Variants in TAF8 observed in about 807,000 individuals in gnomAD.
TAF8 encodes the protein TATA-box binding protein associated factor 8.
A neutral mutation model predicts 36.5 loss-of-function variants in TAF8; 47 were observed. The observed-to-expected ratio is 1.29, with a 90% CI of 1.02 to 1.64. TAF8 has a LOEUF of 1.64. TAF8 is among the 40% of genes most tolerant of loss of function. The probability of loss-of-function intolerance (pLI) is 0.00; values close to 1 mark genes in which losing one functional copy is unlikely to be tolerated. For missense variants in TAF8, 420 were observed against 407.6 expected, an observed-to-expected ratio of 1.03 and a Z score of -0.26; for synonymous variants, 175 against 159.5, an observed-to-expected ratio of 1.10 and a Z score of -0.73.
chr6:42,060,939 A>G (rs768284762), intron 5 of TAF8, among the ~76,000 whole-genome samples: 8 of 152,246 alleles, frequency 5.3e-5, no homozygotes, highest in Non-Finnish European at 8.8e-5. Flanking sequence ...ACATGATAAA[A>G]GTTGCAAATA....
chr6:42,053,144 A>G (rs1432727316), intron 2 of TAF8, among the ~76,000 whole-genome samples: 1 of 152,086 alleles, frequency 6.6e-6, no homozygotes, highest in East Asian at 1.9e-4. Context: ...TCTGGACCCA[A>G]GCCTCCCACA....
intron 5 of TAF8, chr6:42,063,713 C>CA (rs1765261424): frequency 6.6e-6 from 1 of 152,078 alleles, no homozygotes; most frequent in African/African-American, 2.4e-5. Flanking sequence ...GTAGTCTTTG[C>CA]ACCTTGGCCT....
At chr6:42,061,143 A>C (rs770924554) in intron 5 of TAF8, among the ~76,000 whole-genome samples, 1 of 152,228 alleles carries the variant, frequency 6.6e-6, no homozygotes, top group Non-Finnish European at 1.5e-5. Context: ...GACCAAAGCA[A>C]GATAAAATGT....
In TAF8 at chr6:42,068,459, C is replaced by T. The variant is rs369482182; in HGVS notation, c.638-6C>T. The T allele has an allele frequency of 2.6e-5, 42 of 1,613,732 alleles. No individual in the cohort carries two copies. The highest frequency in any genetic ancestry group is 4.0e-5 in the African/African-American group (3 of 74,920). ...GTGGACTCATGCCTCTCTTCCAATT[C>T]GCCAGTGATTGCTGCCAGACCTTTC... is the stretch of plus-strand genomic sequence containing the variant. On this transcript the variant is annotated splice_region_variant and splice_polypyrimidine_tract_variant and intron_variant, in intron 6 of 8. Coordinates refer to ENST00000372977, the MANE Select transcript of TAF8 (RefSeq NM_138572.3).
chr6:42,060,801 T>C (rs1765164557), intron 5 of TAF8, among the ~76,000 whole-genome samples: 1 of 152,242 alleles, frequency 6.6e-6, no homozygotes, highest in Non-Finnish European at 1.5e-5. Flanking sequence ...CAGATTCTTA[T>C]TGCACTTATG....
At chr6:42,057,223 A>G (rs1455359593) in intron 4 of TAF8, among the ~76,000 whole-genome samples, 166 bp from the exon 5 acceptor site, 7 of 152,256 alleles carry the variant, frequency 4.6e-5, no homozygotes, top group African/African-American at 1.4e-4. Flanking sequence ...AGGGCTGGGC[A>G]TTGTAAGCCA....
intron 5 of TAF8, among the ~76,000 whole-genome samples, chr6:42,060,786 G>A (rs1765164213): frequency 3.3e-5 from 5 of 152,078 alleles, no homozygotes; most frequent in Admixed American, 3.3e-4. Flanking sequence ...TGTTACAAAA[G>A]AAAACAGATT....
At chr6:42,066,136 G>A (rs1292348103) in intron 5 of TAF8, among the ~76,000 whole-genome samples, 176 bp from the exon 6 acceptor site, 1 of 152,148 alleles carries the variant, frequency 6.6e-6, no homozygotes, top group Non-Finnish European at 1.5e-5. Flanking sequence ...CCTGATCTCA[G>A]GTGATCCACC....
intron 6 of TAF8, 81 bp downstream of exon 6, chr6:42,066,540 G>T: frequency 6.6e-7 from 1 of 1,526,302 alleles, no homozygotes; most frequent in Non-Finnish European, 9.0e-7. Context: ...ATGGTAGGAA[G>T]AAACAAATAA....
intron 7 of TAF8, among the ~76,000 whole-genome samples, chr6:42,071,646 A>T (rs1176980777): frequency 4.0e-5 from 6 of 149,844 alleles, no homozygotes; most frequent in African/African-American, 9.8e-5. Flanking sequence ...TTTTTTTTTT[A>T]AATATTGAAT....
chr6:42,051,397 A>C lies in TAF8; in HGVS notation c.86A>C (p.Tyr29Ser). Reference protein sequence around the residue: ...SKQSTNPADNYHLARRRTLQV... With the variant: ...SKQSTNPADNSHLARRRTLQV... ...CAGTCCACTAACCCTGCCGATAACT[A>C]TCATCTGGCCCGGAGGAGAACCCTG... is the stretch of plus-strand genomic sequence containing the variant. The change falls in exon 2 of 9, where the codon TAT (tyrosine) becomes TCT (serine). Residue 29 changes from tyrosine (Y) to serine (S), a missense_variant. Transcript: ENST00000372977. 6.2e-7 allele frequency: 1 copy of C among 1,614,170 alleles called. No individual in the cohort carries two copies. The highest frequency in any genetic ancestry group is 8.5e-7 in the Non-Finnish European group (1 of 1,180,018).
chr6:42,057,250 G>A (rs767112584), intron 4 of TAF8, 139 bp from the exon 5 acceptor site: 23 of 1,240,600 alleles, frequency 1.9e-5, no homozygotes, highest in Middle Eastern at 2.8e-4. Context: ...ACCTTTTATC[G>A]ATTGAAATAC....
chr6:42,076,112 G>A (rs1299515056), intron 7 of TAF8, among the ~76,000 whole-genome samples: 1 of 151,984 alleles, frequency 6.6e-6, no homozygotes, highest in Non-Finnish European at 1.5e-5. Flanking sequence ...GGAGGCTGAG[G>A]CAGGAGAATC....
At chr6:42,077,460 G>A in intron 8 of TAF8, 73 bp from the exon 9 acceptor site, 1 of 1,594,450 alleles carries the variant, frequency 6.3e-7, no homozygotes, top group Non-Finnish European at 8.5e-7. Flanking sequence ...TCACAGCACT[G>A]GAGCAGTTTT....
intron 7 of TAF8, among the ~76,000 whole-genome samples, chr6:42,072,958 C>T (rs1359861938): frequency 2.6e-5 from 4 of 151,816 alleles, no homozygotes; most frequent in South Asian, 2.1e-4. Context: ...CTCCCGACCT[C>T]GTGATCCGCC....
At chr6:42,071,709 A>T (rs1296961376) in intron 7 of TAF8, among the ~76,000 whole-genome samples, 2 of 151,998 alleles carry the variant, frequency 1.3e-5, no homozygotes, top group Non-Finnish European at 2.9e-5. Flanking sequence ...AAAGCAGAGG[A>T]AATTGTTATT....
chr6:42,083,557 C>T (rs965687000), downstream of TAF8, among the ~76,000 whole-genome samples: 12 of 152,236 alleles, frequency 7.9e-5, no homozygotes, highest in African/African-American at 2.4e-4. Flanking sequence ...TGTCTTATTG[C>T]GGTTTTATTT....
intron 2 of TAF8, among the ~76,000 whole-genome samples, chr6:42,053,781 C>T (rs1451619192): frequency 6.6e-6 from 1 of 152,110 alleles, no homozygotes; most frequent in East Asian, 1.9e-4. Flanking sequence ...TTGGGGCCTA[C>T]CACAGATTCC....
chr6:42,081,388 C>G lies in TAF8; in HGVS notation c.*3843C>G, dbSNP rs979190092. The G allele has an allele frequency of 2.0e-5, 3 of 151,856 alleles. No individual in the cohort carries two copies. Among genetic ancestry groups the G allele is most frequent in the African/African-American group, 7.3e-5 (3 of 41,310 alleles). The allele number at this position is 151,856 out of a possible 1,614,324, so 9.4% of individuals were successfully genotyped here. On this transcript the variant is annotated 3_prime_UTR_variant, in exon 9 of 9. Coordinates refer to ENST00000372977, the MANE Select transcript of TAF8 (RefSeq NM_138572.3). ...TTTTGGAGACGGAGTCTCGCTCTGT[C>G]GCCCAGGCTGGATTGCAGTGGATTG...
Sources: allele counts gnomAD v4.1 joint callset (sites outside exome capture counted in the v4.1 genomes callset), GRCh38; gene constraint gnomAD v4.1.1; transcripts MANE v1.5; gene names NCBI Gene and HGNC (gene_info 2026-07-23, HGNC 2026-07-21).